Variants in EXOC4 observed in about 807,000 individuals in gnomAD.
EXOC4 encodes the protein SEC8-like 1.
A neutral mutation model predicts 107.2 loss-of-function variants in EXOC4; 71 were observed. That is an observed-to-expected ratio of 0.66 (90% confidence interval 0.55 to 0.81). The LOEUF is 0.81. Among genes scored for constraint, EXOC4 ranks in the 30% least tolerant of loss-of-function variants. The pLI is 0.00. For missense variants in EXOC4, 1,108 were observed against 1,189.6 expected (o/e 0.93, Z 1.01); for synonymous variants, 456 against 441.2 (o/e 1.03, Z -0.42).
intron 5 of EXOC4, among the ~76,000 whole-genome samples, chr7:133,329,165 A>G (rs939865402): frequency 6.6e-6 from 1 of 152,064 alleles, no homozygotes; most frequent in African/African-American, 2.4e-5. Flanking sequence ...TATTTCATTA[A>G]TTTGATCTTC....
intron 14 of EXOC4, among the ~76,000 whole-genome samples, chr7:133,951,771 A>G (rs1025035090): frequency 6.6e-6 from 1 of 152,226 alleles, no homozygotes; most frequent in Non-Finnish European, 1.5e-5. Context: ...ATTCAGGGCC[A>G]CAATGAGTGA....
Position 133,302,043 on chromosome 7 carries a change from C to A in EXOC4, c.472-3834C>A, listed in dbSNP as rs553837521. 3.9e-5 allele frequency among the ~76,000 whole-genome samples: 6 copies of A among 152,122 alleles called. No homozygotes were observed. In the South Asian group the frequency reaches 1.2e-3, roughly 31 times the overall value. Reference sequence around the variant, plus strand: ...TTAAGGGTATGGTGGTTCCTAATTGCAAAGATTTTCCTTTGTTGTAGACTT... The same window carrying A: ...TTAAGGGTATGGTGGTTCCTAATTGAAAAGATTTTCCTTTGTTGTAGACTT... On this transcript the variant is annotated intron_variant, in intron 3 of 17. Transcript: ENST00000253861.
intron 7 of EXOC4, among the ~76,000 whole-genome samples, chr7:133,439,800 T>A (rs1798064628): frequency 6.6e-6 from 1 of 152,120 alleles, no homozygotes; most frequent in Admixed American, 6.5e-5. Context: ...TCAGCCCAGA[T>A]GACCCTTCCC....
At chr7:133,991,044 C>CA (rs1794244208) in intron 14 of EXOC4, among the ~76,000 whole-genome samples, 1 of 152,174 alleles carries the variant, frequency 6.6e-6, no homozygotes, top group African/African-American at 2.4e-5. Context: ...TTCCCACCAA[C>CA]AATGTATGAG....
At chr7:134,069,217 C>A (rs1232000594), downstream of EXOC4, among the ~76,000 whole-genome samples, 3 of 149,442 alleles carry the variant, frequency 2.0e-5, no homozygotes, top group African/African-American at 7.6e-5. Context: ...TCTTCTTCTT[C>A]TTCTCCTTCT....
At chr7:133,900,602 A>G (rs1799429505) in intron 12 of EXOC4, among the ~76,000 whole-genome samples, 1 of 152,014 alleles carries the variant, frequency 6.6e-6, no homozygotes. Flanking sequence ...AATTTTTCTG[A>G]GTTTTGTGTA....
chr7:133,605,288 C>A (rs1801913540), intron 9 of EXOC4, among the ~76,000 whole-genome samples: 1 of 152,090 alleles, frequency 6.6e-6, no homozygotes. Context: ...TTGAATATTT[C>A]ATTGAGATAA....
Position 133,404,266 on chromosome 7 carries a change from A to AT in EXOC4, c.1182+29274dup, listed in dbSNP as rs932382516. Among the ~76,000 whole-genome samples, 36 of 148,984 alleles carry AT rather than the reference A, an allele frequency of 2.4e-4. No homozygotes were observed. The East Asian group carries it at 2.6e-3, about 11-fold the overall frequency. On this transcript the variant is annotated intron_variant, in intron 7 of 17. Coordinates refer to ENST00000253861, the MANE Select transcript of EXOC4 (RefSeq NM_021807.4). ...AGGCGCCCGCCACTACGCCCGGCTA[A>AT]TTTTTTTTTTGTATTTTTAGTAGAG...
At chr7:133,333,185 A>G (rs768449836) in intron 5 of EXOC4, among the ~76,000 whole-genome samples, 2 of 152,232 alleles carry the variant, frequency 1.3e-5, no homozygotes, top group East Asian at 3.8e-4. Flanking sequence ...TGTTTAAATC[A>G]GTAAAAATTT....
rs1043630259 is a variant in EXOC4, at chr7:133,577,449, A to G, written c.1418-52596A>G. On this transcript the variant is annotated intron_variant, in intron 9 of 17. Transcript: ENST00000253861. ...TTTACAAATTATTCCAATGATTACT[A>G]TCAAATTAGAAGATCTCTTAAATAG... 2.0e-5 allele frequency among the ~76,000 whole-genome samples: 3 copies of G among 152,216 alleles called. No individual in the cohort carries two copies. In the East Asian group the frequency reaches 5.8e-4, roughly 29 times the overall value.
At chr7:133,288,143 A>G (rs1794323234) in intron 2 of EXOC4, among the ~76,000 whole-genome samples, 1 of 152,192 alleles carries the variant, frequency 6.6e-6, no homozygotes, top group Non-Finnish European at 1.5e-5. Flanking sequence ...ATTTTGAAAG[A>G]TCATGGTTTT....
rs141776915 is a variant in EXOC4 at position 133,607,712 on chromosome 7, A to C, written c.1418-22333A>C. On this transcript the variant is annotated intron_variant, in intron 9 of 17. Coordinates refer to ENST00000253861, the MANE Select transcript of EXOC4 (RefSeq NM_021807.4). The stretch of plus-strand genomic sequence containing the variant: ...TGCTTTAAGAAGATCAGAAGACTGT[A>C]AATCGATTTATAGACTTCTCATAAG... Among the ~76,000 whole-genome samples, 270 of 152,308 alleles carry C rather than the reference A, an allele frequency of 1.8e-3. 1 individual carries two copies. The highest frequency in any genetic ancestry group is 6.1e-3 in the African/African-American group (252 of 41,556).
intron 17 of EXOC4, among the ~76,000 whole-genome samples, chr7:134,010,651 A>G (rs1585319546): frequency 6.6e-6 from 1 of 152,208 alleles, no homozygotes; most frequent in Non-Finnish European, 1.5e-5. Context: ...GCAATGTTTA[A>G]TCAAGCATGG....
intron 1 of EXOC4, among the ~76,000 whole-genome samples, chr7:133,272,151 A>G (rs1326975072): frequency 6.7e-6 from 1 of 148,284 alleles, no homozygotes; most frequent in Non-Finnish European, 1.5e-5. Context: ...TAACAACCCT[A>G]TGTGGAAGGT....
intron 11 of EXOC4, among the ~76,000 whole-genome samples, chr7:133,888,976 T>C (rs763060881): frequency 1.3e-5 from 2 of 152,260 alleles, no homozygotes; most frequent in Non-Finnish European, 2.9e-5. Context: ...ATGTTCATGA[T>C]TATCATGATT....
chr7:133,980,829 A>G (rs1045235500), intron 14 of EXOC4, among the ~76,000 whole-genome samples: 1 of 152,192 alleles, frequency 6.6e-6, no homozygotes, highest in African/African-American at 2.4e-5. Flanking sequence ...ATGTGGCAAA[A>G]CTGGAATGGA....
At chr7:133,420,247 T>C (rs1166039885) in intron 7 of EXOC4, among the ~76,000 whole-genome samples, 2 of 149,758 alleles carry the variant, frequency 1.3e-5, no homozygotes, top group African/African-American at 2.5e-5. Context: ...TGCGATAGTT[T>C]ACTGAGAATG....
intron 11 of EXOC4, among the ~76,000 whole-genome samples, chr7:133,850,517 GA>G (rs1240867042): frequency 1.3e-5 from 2 of 151,570 alleles, no homozygotes; most frequent in East Asian, 3.9e-4. Context: ...TTTTTTCCAC[GA>G]GAATGTCACA....
At chr7:133,309,500 G>A (rs149628734) in intron 4 of EXOC4, among the ~76,000 whole-genome samples, 3 of 152,020 alleles carry the variant, frequency 2.0e-5, no homozygotes, top group Non-Finnish European at 4.4e-5. Context: ...ACTGTGAGAC[G>A]TACAACCAGA....
Sources: gnomAD v4.1 joint callset for allele counts (sites outside exome capture counted in the v4.1 genomes callset) on GRCh38, gnomAD v4.1.1 for gene constraint, MANE v1.5 for transcripts, NCBI Gene and HGNC (gene_info 2026-07-23, HGNC 2026-07-21) for gene names.